VPS13A: variants seen among roughly 807,000 people sequenced by gnomAD.
The protein encoded by VPS13A is vacuolar protein sorting 13 homolog A, also known as intermembrane lipid transfer protein VPS13A.
A neutral mutation model predicts 390.9 loss-of-function variants in VPS13A; 264 were observed. The ratio of observed to expected loss-of-function variants is 0.68; its 90% CI spans 0.61 to 0.75. The LOEUF is 0.75. Among genes scored for constraint, VPS13A ranks in the 30% least tolerant of loss-of-function variants. VPS13A has a pLI of 0.00. For synonymous variants in VPS13A, 1,231 were observed against 1,227.1 expected (o/e 1.00, Z -0.07); for missense variants, 3,409 against 3,733.9 (o/e 0.91, Z 2.27).
chr9:77,353,301 G>A lies in VPS13A; in HGVS notation c.7420-108G>A, dbSNP rs1587643682. ...TAGTTGCCACTAACCCCATGAAGTAGGTGCCATTAATAGTCTCATTTTATA... is the reference window on the plus strand; with the variant it reads ...TAGTTGCCACTAACCCCATGAAGTAAGTGCCATTAATAGTCTCATTTTATA... On this transcript the variant is annotated intron_variant, in intron 53 of 71. Coordinates refer to ENST00000360280, the MANE Select transcript of VPS13A (RefSeq NM_033305.3). 3 of 783,406 alleles carry A rather than the reference G, an allele frequency of 3.8e-6. No homozygotes were observed. The East Asian group carries it at 7.9e-5, about 21-fold the overall frequency. 48.5% of individuals were successfully genotyped at this position (783,406 alleles called of 1,614,324 possible). A position where few individuals can be genotyped will look rare whatever the true frequency, so the allele number is the denominator to read the frequency against.
intron 62 of VPS13A, 129 bp downstream of exon 62, chr9:77,368,265 A>G (rs1832547340): frequency 2.6e-6 from 2 of 760,672 alleles, no homozygotes; most frequent in Non-Finnish European, 4.3e-6. Flanking sequence ...AAGCATGGGT[A>G]TTTTCCTCAG....
chr9:77,306,397 A>T (rs146740252), intron 34 of VPS13A, among the ~76,000 whole-genome samples: 76 of 134,664 alleles, frequency 5.6e-4, no homozygotes, highest in African/African-American at 2.0e-3. Flanking sequence ...AGAGAGAGAG[A>T]GAGAGTGTGT....
intron 35 of VPS13A, among the ~76,000 whole-genome samples, 170 bp downstream of exon 35, chr9:77,308,268 A>T (rs1027704088): frequency 6.7e-6 from 1 of 149,786 alleles, no homozygotes; most frequent in Non-Finnish European, 1.5e-5. Flanking sequence ...AGATTTGTAA[A>T]TCTGTTTCTA....
chr9:77,275,705 T>C, intron 25 of VPS13A, 53 bp downstream of exon 25: 1 of 1,545,742 alleles, frequency 6.5e-7, no homozygotes, highest in Non-Finnish European at 8.9e-7. Flanking sequence ...GTTTCTATAT[T>C]TACAGCTTAC....
chr9:77,383,311 A>G (rs1226423878), intron 68 of VPS13A, among the ~76,000 whole-genome samples: 2 of 152,062 alleles, frequency 1.3e-5, no homozygotes, highest in Non-Finnish European at 2.9e-5. Flanking sequence ...ATCATTGTAT[A>G]TTGGGATAGA....
chr9:77,390,142 AG>A (rs1833846245), intron 68 of VPS13A: 2 of 984,622 alleles, frequency 2.0e-6, no homozygotes, highest in Admixed American at 6.2e-5. Flanking sequence ...TGAAAATTTG[AG>A]TAAGTGGACA....
Position 77,177,804 on chromosome 9 carries a change from G to A in VPS13A, c.100G>A (p.Gly34Arg). ...CCAGCTCTCTCTGGGCATCTGGAAAGGTAAGGAGGCCGCCGCCGCCGCTCC... is the reference window on the plus strand; with the variant it reads ...CCAGCTCTCTCTGGGCATCTGGAAAAGTAAGGAGGCCGCCGCCGCCGCTCC... ...TSQLSLGIWK[G>R]AVALKNLQIK... The change falls in exon 1 of 72, where the codon GGA becomes AGA. Residue 34 changes from glycine (G) to arginine (R), a missense_variant and splice_region_variant. Coordinates refer to ENST00000360280, the MANE Select transcript of VPS13A (RefSeq NM_033305.3). 2 of 1,611,388 alleles carry A rather than the reference G, an allele frequency of 1.2e-6. No individual in the cohort carries two copies. Among genetic ancestry groups the A allele is most frequent in the Non-Finnish European group, 1.7e-6 (2 of 1,178,826 alleles).
intron 31 of VPS13A, among the ~76,000 whole-genome samples, chr9:77,285,511 A>G (rs1023655551): frequency 6.6e-6 from 1 of 152,218 alleles, no homozygotes; most frequent in Non-Finnish European, 1.5e-5. Flanking sequence ...TTCATAAAAA[A>G]TATTTTGAAA....
At chr9:77,214,458 A>T in intron 10 of VPS13A, 72 bp downstream of exon 10, 1 of 1,244,072 alleles carries the variant, frequency 8.0e-7, no homozygotes, top group African/African-American at 1.5e-5. Context: ...CATTGTTGCT[A>T]TCACTGTGCT....
chr9:77,183,831 A>G (rs548247883), intron 1 of VPS13A, among the ~76,000 whole-genome samples: 15 of 152,248 alleles, frequency 9.9e-5, no homozygotes, highest in Non-Finnish European at 2.2e-4. Flanking sequence ...GAAACAGTCC[A>G]AGTATCCACC....
At chr9:77,384,599 C>T (rs779148807) in intron 68 of VPS13A, 3 of 1,611,272 alleles carry the variant, frequency 1.9e-6, no homozygotes, top group Non-Finnish European at 2.5e-6. Flanking sequence ...TTCAATTCTA[C>T]AGGGAGTGGA....
chr9:77,287,631 C>A (rs1397424945), intron 31 of VPS13A, among the ~76,000 whole-genome samples: 1 of 152,144 alleles, frequency 6.6e-6, no homozygotes, highest in Non-Finnish European at 1.5e-5. Context: ...GGTAATGTGA[C>A]AGGTAATAAT....
intron 67 of VPS13A, 141 bp downstream of exon 67, chr9:77,371,290 G>A (rs745559132): frequency 1.3e-4 from 159 of 1,255,734 alleles, no homozygotes; most frequent in Non-Finnish European, 1.7e-4. Context: ...CACAGACTGG[G>A]TAATTTATAA....
chr9:77,197,369 A>G (rs12339084), intron 1 of VPS13A, among the ~76,000 whole-genome samples: 31,080 of 152,126 alleles, frequency 0.2, 3,368 homozygotes, highest in Middle Eastern at 0.26. Context: ...GAAGCCTTCT[A>G]CTGCTAATGT....
chr9:77,204,294 C>A (rs370989932), intron 3 of VPS13A, among the ~76,000 whole-genome samples: 7 of 152,042 alleles, frequency 4.6e-5, no homozygotes, highest in Non-Finnish European at 1.0e-4. Flanking sequence ...TTAAAACTCT[C>A]TATTACGAAA....
rs2131376255 is a variant in VPS13A, at chr9:77,295,639, A to G, written c.3605A>G (p.Gln1202Arg). 6.2e-7 allele frequency: 1 copy of G among 1,614,072 alleles called. No individual in the cohort carries two copies. Among genetic ancestry groups the G allele is most frequent in the Non-Finnish European group, 8.5e-7 (1 of 1,179,946 alleles). ...MAATGVKELA[Q>R]RSSRMALDIN... ...GCTACTGGTGTAAAAGAACTCGCAC[A>G]AAGGAGTTCCAGAATGGCACTGGAT... Residue 1202 changes from glutamine to arginine, a missense_variant, in exon 33 of 72, where the codon CAA becomes CGA. Physicochemically the swap from Gln to Arg is conservative, Grantham distance 43. This residue lies in a region of VPS13A where 2,717 missense variants were observed against 2,917.4 expected (regional missense o/e 0.93). Coordinates refer to ENST00000360280, the MANE Select transcript of VPS13A (RefSeq NM_033305.3).
chr9:77,344,371 C>T, intron 51 of VPS13A, 90 bp downstream of exon 51: 2 of 1,397,016 alleles, frequency 1.4e-6, no homozygotes, highest in Non-Finnish European at 2.0e-6. Context: ...CAAATAATTA[C>T]TTCTGTTGAT....
chr9:77,195,228 A>G (rs1270695079), intron 1 of VPS13A, among the ~76,000 whole-genome samples: 2 of 152,088 alleles, frequency 1.3e-5, no homozygotes, highest in African/African-American at 2.4e-5. Context: ...GGTTCACGCC[A>G]TTCTGCTGCC....
In VPS13A at chr9:77,337,401, T is replaced by C; in HGVS notation, c.6242T>C (p.Ile2081Thr). ...NPSKESFLINIVPEKDNLTSL... is the reference protein window; with the variant it reads ...NPSKESFLINTVPEKDNLTSL... ...TCTAAGGAATCATTTCTCATTAATATTGTTCCAGAAAAAGATAATTTAACA... is the reference window on the plus strand; with the variant it reads ...TCTAAGGAATCATTTCTCATTAATACTGTTCCAGAAAAAGATAATTTAACA... Residue 2081 changes from isoleucine to threonine, a missense_variant, in exon 47 of 72, where the codon ATT becomes ACT. By Grantham distance (89) the Ile-to-Thr change is moderately conservative. Coordinates refer to ENST00000360280, the MANE Select transcript of VPS13A (RefSeq NM_033305.3). 6.2e-7 allele frequency: 1 copy of C among 1,612,968 alleles called. No homozygotes were observed. The highest frequency in any genetic ancestry group is 8.5e-7 in the Non-Finnish European group (1 of 1,179,092).
Sources: gnomAD v4.1 joint callset for allele counts (sites outside exome capture counted in the v4.1 genomes callset) on GRCh38, gnomAD v4.1.1 for gene constraint, gnomAD v4.1.1 regional missense constraint, MANE v1.5 for transcripts, NCBI Gene and HGNC (gene_info 2026-07-23, HGNC 2026-07-21) for gene names.